Variants in SLC35F5 observed in about 807,000 individuals in gnomAD.
SLC35F5 encodes the protein HCV NS5A-transactivated protein 3.
In SLC35F5, 54 loss-of-function variants were observed where a neutral mutation model predicts 68.6. The ratio of observed to expected loss-of-function variants is 0.79; its 90% CI spans 0.63 to 0.99. SLC35F5 has a LOEUF of 0.99. Among genes scored for constraint, SLC35F5 ranks in the 50% least tolerant of loss-of-function variants. The pLI, the probability that SLC35F5 is intolerant of heterozygous loss-of-function variation, is 0.00. For synonymous variants in SLC35F5, 211 were observed against 205.2 expected (o/e 1.03, Z -0.24); for missense variants, 567 against 626.9 (o/e 0.90, Z 1.02).
At chr2:113,743,106 A>G (rs1364072747) in intron 6 of SLC35F5, among the ~76,000 whole-genome samples, 1 of 152,232 alleles carries the variant, frequency 6.6e-6, no homozygotes, top group Non-Finnish European at 1.5e-5. Flanking sequence ...TTAAAATGAG[A>G]CCAATATTCA....
chr2:113,755,409 A>G, intron 2 of SLC35F5, 45 bp downstream of exon 2: 1 of 1,608,184 alleles, frequency 6.2e-7, no homozygotes, highest in Non-Finnish European at 8.5e-7. Flanking sequence ...TTTGTTAGCT[A>G]ATGTTCAGTG....
At chr2:113,755,022 T>C (rs1574279515) in intron 3 of SLC35F5, 143 bp downstream of exon 3, 1 of 717,742 alleles carries the variant, frequency 1.4e-6, no homozygotes. Flanking sequence ...CAAGTGGCAA[T>C]AATTCAACGT....
intron 9 of SLC35F5, among the ~76,000 whole-genome samples, chr2:113,732,863 T>C (rs1687950431): frequency 6.6e-6 from 1 of 152,190 alleles, no homozygotes; most frequent in Non-Finnish European, 1.5e-5. Flanking sequence ...GTAAGGAACT[T>C]GTTCAAGATC....
chr2:113,735,738 C>A (rs10199515), intron 8 of SLC35F5, 39 bp downstream of exon 8: 185,509 of 1,360,302 alleles, frequency 0.14, 13,577 homozygotes, highest in African/African-American at 0.19. Context: ...AATACATACA[C>A]TGATTTATAA....
At chr2:113,723,940 A>T (rs1194765575) in intron 12 of SLC35F5, among the ~76,000 whole-genome samples, 1 of 152,240 alleles carries the variant, frequency 6.6e-6, no homozygotes, top group African/African-American at 2.4e-5. Flanking sequence ...GGAGAAAATG[A>T]ATTATAAGCC....
At position 113,723,092 on chromosome 2, in the gene SLC35F5, T is replaced by C; in HGVS notation, c.1341+12A>G. On this transcript the variant is annotated intron_variant, in intron 13 of 15. Coordinates refer to ENST00000245680, the MANE Select transcript of SLC35F5 (RefSeq NM_025181.5). ...ACCTAAAATATCTATGAATAATAAA[T>C]AGTTTCCTTACCTTTTGCATACACA... The C allele has an allele frequency of 3.3e-6, 5 of 1,520,172 alleles. No individual in the cohort carries two copies. Among genetic ancestry groups the C allele is most frequent in the Non-Finnish European group, 4.4e-6 (5 of 1,131,104 alleles). The allele number at this position is 1,520,172 out of a possible 1,614,324, so 94.2% of individuals were successfully genotyped here.
chr2:113,750,815 C>T (rs1173680563), intron 3 of SLC35F5, among the ~76,000 whole-genome samples: 2 of 152,208 alleles, frequency 1.3e-5, no homozygotes, highest in African/African-American at 4.8e-5. Flanking sequence ...TCGTTGGGAC[C>T]TACCACGAAA....
chr2:113,718,929 A>AAAGAAAGAAAG (rs1559318504), intron 14 of SLC35F5, among the ~76,000 whole-genome samples: 1 of 103,588 alleles, frequency 9.7e-6, no homozygotes, highest in Admixed American at 8.9e-5. Flanking sequence ...AAGAAAGAAA[A>AAAGAAAGAAAG]AGAAAGGAAG....
At chr2:113,746,469 A>G in intron 4 of SLC35F5, 130 bp from the exon 5 acceptor site, 1 of 659,958 alleles carries the variant, frequency 1.5e-6, no homozygotes, top group Admixed American at 2.2e-5. Flanking sequence ...GTTACTAATA[A>G]TAATAGCAGC....
intron 12 of SLC35F5, 143 bp from the exon 13 acceptor site, chr2:113,723,337 T>C (rs1345884807): frequency 9.8e-6 from 4 of 408,492 alleles, no homozygotes; most frequent in Admixed American, 4.6e-5. Context: ...ACATAAAATA[T>C]AATAAAGTTA....
chr2:113,730,607 G>T (rs897544177), intron 10 of SLC35F5, among the ~76,000 whole-genome samples: 1 of 152,046 alleles, frequency 6.6e-6, no homozygotes, highest in Non-Finnish European at 1.5e-5. Context: ...ATTAATCTAG[G>T]TTTATTTTTT....
chr2:113,746,778 T>A (rs576934562), intron 4 of SLC35F5, among the ~76,000 whole-genome samples: 104 of 151,920 alleles, frequency 6.8e-4, no homozygotes, highest in Admixed American at 1.8e-3. Flanking sequence ...TACAAAAAAA[T>A]TAGCTAGCAG....
At chr2:113,735,906 C>T in intron 7 of SLC35F5, 48 bp from the exon 8 acceptor site, 1 of 1,150,832 alleles carries the variant, frequency 8.7e-7, no homozygotes, top group Non-Finnish European at 1.3e-6. Flanking sequence ...GACATGTTTA[C>T]ATCTGTCATT....
At position 113,711,004 on chromosome 2, in the gene SLC35F5, T is replaced by A. The variant is rs982326938; in HGVS notation, c.*4214A>T. On this transcript the variant is annotated 3_prime_UTR_variant, in exon 16 of 16. Transcript: ENST00000245680. ...ATAAAAGTAGCTCTTCAGAAAGACATCTCATGTAAAATTAAATTTAAAACT... is the reference window on the plus strand; with the variant it reads ...ATAAAAGTAGCTCTTCAGAAAGACAACTCATGTAAAATTAAATTTAAAACT... 8.5e-5 allele frequency among the ~76,000 whole-genome samples: 13 copies of A among 152,200 alleles called. No homozygotes were observed. The highest frequency in any genetic ancestry group is 2.9e-5 in the Non-Finnish European group (2 of 68,032).
intron 14 of SLC35F5, among the ~76,000 whole-genome samples, chr2:113,718,360 C>T (rs976669993): frequency 4.6e-5 from 7 of 151,944 alleles, no homozygotes; most frequent in African/African-American, 1.5e-4. Flanking sequence ...GTCACTGGAA[C>T]CAAGTTCTTT....
intron 6 of SLC35F5, among the ~76,000 whole-genome samples, chr2:113,743,453 A>C (rs1191010809): frequency 2.6e-5 from 4 of 152,176 alleles, no homozygotes; most frequent in Non-Finnish European, 4.4e-5. Context: ...CGTGTGATGC[A>C]TGTGTGTATG....
In SLC35F5 at chr2:113,746,326, T is replaced by A. The variant is rs1351059508; in HGVS notation, c.431A>T (p.Glu144Val). 1 of 1,612,742 alleles carries A rather than the reference T, an allele frequency of 6.2e-7. No individual in the cohort carries two copies. Among genetic ancestry groups the A allele is most frequent in the South Asian group, 1.1e-5 (1 of 91,058 alleles). Reference protein sequence around the residue: ...GKHAAFFADAEGYFAACTTDT... With the variant: ...GKHAAFFADAVGYFAACTTDT... ...TGTTGTGCAAGCAGCAAAGTAACCT[T>A]CAGCATCTGCAAACTAAATACAGAT... is the stretch of plus-strand genomic sequence containing the variant. Residue 144 changes from glutamate to valine, a missense_variant, in exon 5 of 16, where the codon GAA (glutamate) becomes GTA (valine). Transcript: ENST00000245680.
chr2:113,714,963 C>T lies in SLC35F5; in HGVS notation c.*255G>A, dbSNP rs1021804302. On this transcript the variant is annotated 3_prime_UTR_variant, in exon 16 of 16. Transcript: ENST00000245680. ...GCTGAATTCCTTGAGATGTGTAAGG[C>T]AGGTTGGTCCTTTGGATGGACTGTA... 6.6e-6 allele frequency: 1 copy of T among 152,564 alleles called. No homozygotes were observed. Among genetic ancestry groups the T allele is most frequent in the African/African-American group, 2.4e-5 (1 of 41,438 alleles). 9.5% of individuals were successfully genotyped at this position (152,564 alleles called of 1,614,324 possible). A position where few individuals can be genotyped will look rare whatever the true frequency, so the allele number is the denominator to read the frequency against.
At position 113,717,845 on chromosome 2, in the gene SLC35F5, G is replaced by A. The variant is rs1470283204; in HGVS notation, c.1502C>T (p.Pro501Leu). 1 of 1,604,620 alleles carries A rather than the reference G, an allele frequency of 6.2e-7. No homozygotes were observed. The highest frequency in any genetic ancestry group is 8.5e-7 in the Non-Finnish European group (1 of 1,175,808). Reference protein sequence around the residue: ...ICRKHRIQRVPEDSEQCESLI... With the variant: ...ICRKHRIQRVLEDSEQCESLI... ...ACTCTCACACTGTTCGCTGTCTTCT[G>A]GAACTCTTAAGAAAAAAAAAAGCAG... Residue 501 changes from proline to leucine, a missense_variant, in exon 15 of 16, where the codon CCA becomes CTA. Coordinates refer to ENST00000245680, the MANE Select transcript of SLC35F5 (RefSeq NM_025181.5).
Sources: gnomAD v4.1 joint callset for allele counts (sites outside exome capture counted in the v4.1 genomes callset) on GRCh38, gnomAD v4.1.1 for gene constraint, MANE v1.5 for transcripts, NCBI Gene and HGNC (gene_info 2026-07-23, HGNC 2026-07-21) for gene names.